Variants in PRKN observed in about 807,000 individuals in gnomAD.
The protein encoded by PRKN is parkin RBR E3 ubiquitin protein ligase.
In PRKN, 56 loss-of-function variants were observed where a neutral mutation model predicts 59.5. The ratio of observed to expected loss-of-function variants is 0.94; its 90% CI spans 0.76 to 1.18. The LOEUF (loss-of-function observed/expected upper bound fraction) is 1.18. Ranked by LOEUF, PRKN falls within the 50% of genes most tolerant of loss-of-function variation. The pLI, the probability that PRKN is intolerant of heterozygous loss-of-function variation, is 0.00. For synonymous variants in PRKN, 250 were observed against 222.1 expected, an observed-to-expected ratio of 1.13 and a Z score of -1.12; for missense variants, 657 against 596.4, an observed-to-expected ratio of 1.10 and a Z score of -1.06.
intron 6 of PRKN, among the ~76,000 whole-genome samples, chr6:161,821,883 G>C (rs1792047979): frequency 6.6e-6 from 1 of 151,474 alleles, no homozygotes; most frequent in Non-Finnish European, 1.5e-5. Context: ...CCAGTAGCTG[G>C]GACTACAGAT....
intron 7 of PRKN, among the ~76,000 whole-genome samples, chr6:161,591,465 C>T (rs761068233): frequency 1.3e-5 from 2 of 152,158 alleles, no homozygotes; most frequent in Admixed American, 6.5e-5. Flanking sequence ...GAGGGCTCCC[C>T]GGCTAGAGTT....
intron 2 of PRKN, among the ~76,000 whole-genome samples, chr6:162,300,652 C>T (rs547372267): frequency 2.6e-5 from 4 of 152,200 alleles, no homozygotes; most frequent in African/African-American, 7.2e-5. Flanking sequence ...TAACCTTTAT[C>T]GGGCAAGCTC....
chr6:162,338,952 T>G (rs1210183300), intron 2 of PRKN, among the ~76,000 whole-genome samples: 27 of 147,438 alleles, frequency 1.8e-4, no homozygotes, highest in Non-Finnish European at 3.9e-4. Flanking sequence ...CGACCCCGTC[T>G]GGGAGGTGAG....
chr6:162,065,726 C>A (rs1778310812), intron 4 of PRKN, among the ~76,000 whole-genome samples: 1 of 152,142 alleles, frequency 6.6e-6, no homozygotes, highest in African/African-American at 2.4e-5. Flanking sequence ...CCCCAGCCCT[C>A]CACCCCATGG....
In PRKN at chr6:161,538,906, G is replaced by A. The variant is rs561463729; in HGVS notation, c.1083+9948C>T. 6.6e-6 allele frequency among the ~76,000 whole-genome samples: 1 copy of A among 152,298 alleles called. No homozygotes were observed. The highest frequency in any genetic ancestry group is 2.1e-4 in the South Asian group (1 of 4,820). On this transcript the variant is annotated intron_variant, in intron 9 of 11. Coordinates refer to ENST00000366898, the MANE Select transcript of PRKN (RefSeq NM_004562.3). This position sits in a 1 kb window ranked among gnomAD's most constrained non-coding sequence, Gnocchi z 4.2. ...TTCTGTGTGGGCTCCCTTGAACTCTGCCTAAATGTCATGAACAACAGGAAT... is the reference window on the plus strand; with the variant it reads ...TTCTGTGTGGGCTCCCTTGAACTCTACCTAAATGTCATGAACAACAGGAAT...
intron 1 of PRKN, among the ~76,000 whole-genome samples, chr6:162,457,416 CTTAATA>C (rs1562779329): frequency 2.1e-4 from 32 of 152,146 alleles, no homozygotes; most frequent in Admixed American, 2.1e-3. Context: ...ATAATTTAAC[CTTAATA>C]TTTATAATCT....
In PRKN at chr6:161,897,966, C is replaced by CAAAAAAAAAAAA. The variant is rs55714271; in HGVS notation, c.734+75324_734+75335dup. On this transcript the variant is annotated intron_variant, in intron 6 of 11. Coordinates refer to ENST00000366898, the MANE Select transcript of PRKN (RefSeq NM_004562.3). ...TGGGTGACAGAGCGAGACTCCGTCT[C>CAAAAAAAAAAAA]AAAAAAAAAAAAAAAAAAGTCTCCC... Among the ~76,000 whole-genome samples the CAAAAAAAAAAAA allele has an allele frequency of 7.6e-4, 29 of 38,292 alleles. 4 individuals carry two copies. Among genetic ancestry groups the CAAAAAAAAAAAA allele is most frequent in the Non-Finnish European group, 1.1e-3 (25 of 21,914 alleles). 25.1% of individuals were successfully genotyped at this position (38,292 alleles called of 152,430 possible).
At chr6:162,089,460 G>A (rs1562506131) in intron 4 of PRKN, among the ~76,000 whole-genome samples, 1 of 152,182 alleles carries the variant, frequency 6.6e-6, no homozygotes. Context: ...GGCAGAAAGG[G>A]AAATTGGTAC....
intron 5 of PRKN, among the ~76,000 whole-genome samples, chr6:162,031,462 C>T (rs1696182967): frequency 6.6e-6 from 1 of 151,492 alleles, no homozygotes; most frequent in Non-Finnish European, 1.5e-5. Context: ...AGCTTATTTA[C>T]AAATATTATG....
intron 1 of PRKN, among the ~76,000 whole-genome samples, chr6:162,658,091 C>G (rs1239910460): frequency 6.6e-6 from 1 of 152,192 alleles, no homozygotes; most frequent in Non-Finnish European, 1.5e-5. Flanking sequence ...GGTACAACAT[C>G]CCCAAATTCC....
At chr6:161,679,680 C>CG (rs1312946541) in intron 7 of PRKN, among the ~76,000 whole-genome samples, 7 of 138,966 alleles carry the variant, frequency 5.0e-5, no homozygotes, top group Admixed American at 2.1e-4. Flanking sequence ...AACCACCCCC[C>CG]CCCCTTTTTT....
intron 1 of PRKN, among the ~76,000 whole-genome samples, chr6:162,498,432 C>CT (rs1793189665): frequency 9.3e-5 from 1 of 10,788 alleles, no homozygotes; most frequent in African/African-American, 3.5e-4. Context: ...GAGTTTCTTT[C>CT]CTTTTTCTTT....
At chr6:162,171,291 A>G (rs1366178335) in intron 4 of PRKN, among the ~76,000 whole-genome samples, 3 of 152,136 alleles carry the variant, frequency 2.0e-5, no homozygotes, top group East Asian at 1.9e-4. Flanking sequence ...ATCCACCCCA[A>G]GTTGGGAGAT....
intron 6 of PRKN, among the ~76,000 whole-genome samples, chr6:161,891,966 G>A (rs947650033): frequency 1.7e-5 from 2 of 121,010 alleles, no homozygotes; most frequent in Non-Finnish European, 3.2e-5. Flanking sequence ...TTTCTTGGAA[G>A]TGGATGGTTT....
chr6:161,957,674 C>G (rs532189431), intron 6 of PRKN, among the ~76,000 whole-genome samples: 1 of 152,160 alleles, frequency 6.6e-6, no homozygotes, highest in Non-Finnish European at 1.5e-5. Context: ...CCACCCGCCT[C>G]GGCCTCCCAA....
chr6:161,762,448 T>C (rs1165722475), intron 7 of PRKN, among the ~76,000 whole-genome samples: 1 of 152,170 alleles, frequency 6.6e-6, no homozygotes, highest in Admixed American at 6.5e-5. Context: ...CAGAAGTTAC[T>C]TTCAAGCTAT....
chr6:161,615,758 G>A (rs888810003), intron 7 of PRKN, among the ~76,000 whole-genome samples: 1 of 152,232 alleles, frequency 6.6e-6, no homozygotes, highest in Non-Finnish European at 1.5e-5. Flanking sequence ...CTCTCCTCCT[G>A]CATGCAATGG....
chr6:161,424,639 C>A (rs1356073706), intron 9 of PRKN, among the ~76,000 whole-genome samples: 1 of 152,130 alleles, frequency 6.6e-6, no homozygotes, highest in Non-Finnish European at 1.5e-5. Flanking sequence ...ATTACTTTAA[C>A]AGCAGGAACC....
intron 9 of PRKN, among the ~76,000 whole-genome samples, chr6:161,495,400 T>C (rs1253952032): frequency 6.6e-6 from 1 of 152,228 alleles, no homozygotes; most frequent in African/African-American, 2.4e-5. Context: ...CCGTCTGCAG[T>C]ATAAGAAGCC....
Sources: gnomAD v4.1 joint callset for allele counts (sites outside exome capture counted in the v4.1 genomes callset) on GRCh38, gnomAD v4.1.1 for gene constraint, Gnocchi (gnomAD v3.1) non-coding constraint, MANE v1.5 for transcripts, NCBI Gene and HGNC (gene_info 2026-07-23, HGNC 2026-07-21) for gene names.